The following DCAKD variants were observed in gnomAD, a reference collection of about 807,000 sequenced individuals.
DCAKD encodes dephospho-CoA kinase domain containing.
Under a neutral mutation model 18.7 loss-of-function variants are expected in DCAKD, and 15 were observed. The ratio of observed to expected loss-of-function variants is 0.80; its 90% CI spans 0.54 to 1.24. The LOEUF (loss-of-function observed/expected upper bound fraction) is 1.24, where lower values mean the gene tolerates loss of function less well. Ranked by LOEUF, DCAKD falls within the 50% of genes most tolerant of loss-of-function variation. The pLI is 0.00. For missense variants in DCAKD, 301 were observed against 322.0 expected, an observed-to-expected ratio of 0.93 and a Z score of 0.50; for synonymous variants, 130 against 133.0, an observed-to-expected ratio of 0.98 and a Z score of 0.16.
intron 3 of DCAKD, chr17:45,031,999 G>A (rs752803120): frequency 1.0e-5 from 10 of 985,312 alleles, no homozygotes; most frequent in Non-Finnish European, 1.2e-5. Context: ...GTGGTGGTTG[G>A]GGAGGCGGGA....
intron 1 of DCAKD, among the ~76,000 whole-genome samples, chr17:45,040,164 G>A (rs778512853): frequency 6.6e-6 from 1 of 151,544 alleles, no homozygotes. Flanking sequence ...AAGGCGGGAG[G>A]ATCACCTGAG....
intron 2 of DCAKD, 85 bp downstream of exon 2, chr17:45,034,689 A>G: frequency 7.1e-7 from 1 of 1,416,266 alleles, no homozygotes; most frequent in Non-Finnish European, 9.7e-7. Context: ...CTCCTCTGAG[A>G]CTTATAAAAA....
intron 1 of DCAKD, among the ~76,000 whole-genome samples, chr17:45,044,188 T>C (rs960823529): frequency 6.6e-6 from 1 of 152,106 alleles, no homozygotes; most frequent in Admixed American, 6.6e-5. Flanking sequence ...AGAGGCCATC[T>C]ATGTCCTCCC....
Position 45,059,057 on chromosome 17 carries a change from G to C in DCAKD, c.-118+1831C>G, listed in dbSNP as rs554604255. 2.2e-3 allele frequency among the ~76,000 whole-genome samples: 330 copies of C among 152,100 alleles called. 1 individual carries two copies. Among genetic ancestry groups the C allele is most frequent in the African/African-American group, 7.7e-3 (318 of 41,528 alleles). On this transcript the variant is annotated intron_variant, in intron 1 of 4. Coordinates refer to the DCAKD transcript ENST00000310604. ...AGATCGAGCCCACCCTGGCTAACACGGTGAAACCCCGTCTCTACTAAAAAT... is the reference window on the plus strand; with the variant it reads ...AGATCGAGCCCACCCTGGCTAACACCGTGAAACCCCGTCTCTACTAAAAAT...
chr17:45,054,257 T>C (rs2053757081), upstream of DCAKD: 2 of 454,274 alleles, frequency 4.4e-6, no homozygotes, highest in Non-Finnish European at 8.7e-6. Context: ...TTTATTTATT[T>C]TTTTTTTTGA....
chr17:45,031,542 A>T, intron 3 of DCAKD: 1 of 985,310 alleles, frequency 1.0e-6, no homozygotes, highest in Non-Finnish European at 1.2e-6. Context: ...GTGCCCCAAA[A>T]TGATAGTTAC....
intron 1 of DCAKD, among the ~76,000 whole-genome samples, chr17:45,050,011 C>A (rs1430839989): frequency 6.7e-6 from 1 of 148,742 alleles, no homozygotes. Context: ...GCGTGAGCCA[C>A]CGCGCTCGGC....
chr17:45,031,363 T>C (rs377354274), intron 3 of DCAKD: 25 of 984,672 alleles, frequency 2.5e-5, no homozygotes, highest in South Asian at 1.4e-4. Context: ...CCTTGGTTGG[T>C]AGCCCCCCCA....
At chr17:45,053,169 TAAAAA>T (rs760029893), upstream of DCAKD, among the ~76,000 whole-genome samples, 1 of 75,736 alleles carries the variant, frequency 1.3e-5, no homozygotes, top group African/African-American at 6.7e-5. Context: ...TGTCTCCAGT[TAAAAA>T]AAAAAAAAAA....
chr17:45,058,751 A>AC (rs200171179), intron 1 of DCAKD, among the ~76,000 whole-genome samples: 3,869 of 149,064 alleles, frequency 0.026, 85 homozygotes, highest in South Asian at 0.071. Context: ...CTTACCTCTG[A>AC]CCCCCCCCTT....
intron 1 of DCAKD, among the ~76,000 whole-genome samples, chr17:45,038,156 A>T (rs1368958355): frequency 6.6e-6 from 1 of 151,680 alleles, no homozygotes; most frequent in Non-Finnish European, 1.5e-5. Context: ...GGCCCACTGC[A>T]ATCTCTGCCT....
At chr17:45,039,342 G>A (rs2053376478) in intron 1 of DCAKD, among the ~76,000 whole-genome samples, 1 of 152,164 alleles carries the variant, frequency 6.6e-6, no homozygotes, top group African/African-American at 2.4e-5. Flanking sequence ...AATCCGATCT[G>A]GCTTCCCACA....
rs66731834 is a variant in DCAKD, at chr17:45,025,744, CTTT to C, written c.405-1023_405-1021del. ...TTTGATCACTACATTTTGGTTCCTTCTTTTTTTTTTTTTTTTTTTTTTTTCCTG... is the reference window on the plus strand; with the variant it reads ...TTTGATCACTACATTTTGGTTCCTTCTTTTTTTTTTTTTTTTTTTTTCCTG... On this transcript the variant is annotated intron_variant, in intron 4 of 4. Transcript: ENST00000651974. 7.6e-3 allele frequency among the ~76,000 whole-genome samples: 788 copies of C among 103,832 alleles called. 7 individuals carry two copies. The highest frequency in any genetic ancestry group is 0.029 in the African/African-American group (706 of 24,488). The allele number at this position is 103,832 out of a possible 152,430, so 68.1% of individuals were successfully genotyped here.
At chr17:45,052,831 C>A (rs1380572069), upstream of DCAKD, among the ~76,000 whole-genome samples, 5 of 151,262 alleles carry the variant, frequency 3.3e-5, no homozygotes, top group Non-Finnish European at 7.4e-5. Context: ...CCACTGCACT[C>A]CAGCCTGGGC....
intron 1 of DCAKD, among the ~76,000 whole-genome samples, chr17:45,035,754 G>A (rs889761830): frequency 3.3e-5 from 5 of 152,100 alleles, no homozygotes; most frequent in African/African-American, 9.7e-5. Flanking sequence ...AGCCATCCAC[G>A]GAAGATGCAA....
intron 3 of DCAKD, chr17:45,031,296 C>A (rs769751422): frequency 1.0e-6 from 1 of 985,264 alleles, no homozygotes; most frequent in Non-Finnish European, 1.2e-6. Flanking sequence ...GCTCAGGAAG[C>A]CCAAGAGAAG....
chr17:45,032,377 T>C (rs2143212889), intron 3 of DCAKD, among the ~76,000 whole-genome samples: 1 of 151,136 alleles, frequency 6.6e-6, no homozygotes, highest in African/African-American at 2.4e-5. Context: ...CATGGATGTC[T>C]GTCGAGTCAT....
chr17:45,043,314 G>A (rs907023855), intron 1 of DCAKD, among the ~76,000 whole-genome samples: 1 of 151,724 alleles, frequency 6.6e-6, no homozygotes, highest in African/African-American at 2.4e-5. Context: ...GATTAAATGA[G>A]GTGACAACAT....
intron 3 of DCAKD, among the ~76,000 whole-genome samples, chr17:45,033,148 C>T (rs2053208114): frequency 6.6e-6 from 1 of 152,038 alleles, no homozygotes; most frequent in Non-Finnish European, 1.5e-5. Context: ...GAGTTTGAGA[C>T]CACTTTGGCC....
Sources: gnomAD v4.1 joint callset for allele counts (sites outside exome capture counted in the v4.1 genomes callset) on GRCh38, gnomAD v4.1.1 for gene constraint, MANE v1.5 for transcripts, NCBI Gene and HGNC (gene_info 2026-07-23, HGNC 2026-07-21) for gene names.